RHAG: variants seen among roughly 807,000 people sequenced by gnomAD.
RHAG encodes the protein ammonium transporter Rh type A.
Under a neutral mutation model 42.4 loss-of-function variants are expected in RHAG, and 25 were observed. The observed-to-expected ratio is 0.59, with a 90% confidence interval of 0.43 to 0.82. The LOEUF (loss-of-function observed/expected upper bound fraction) is 0.82. RHAG is among the 40% of genes least tolerant of loss of function. The pLI is 0.00. For missense variants in RHAG, 483 were observed against 504.6 expected (o/e 0.96, Z 0.41); for synonymous variants, 182 against 177.7 (o/e 1.02, Z -0.19).
At chr6:49,620,181 C>G (rs948350128) in intron 1 of RHAG, among the ~76,000 whole-genome samples, 2 of 152,112 alleles carry the variant, frequency 1.3e-5, no homozygotes, top group Non-Finnish European at 2.9e-5. Flanking sequence ...CTGTGTGACC[C>G]TGGGCAAGTC....
Position 49,614,773 on chromosome 6 carries a change from C to A in RHAG, c.721G>T (p.Val241Leu). 2 of 1,614,132 alleles carry A rather than the reference C, an allele frequency of 1.2e-6. No homozygotes were observed. The highest frequency in any genetic ancestry group is 1.7e-6 in the Non-Finnish European group (2 of 1,180,026). Residue 241 changes from valine to leucine, a missense_variant, in exon 5 of 10, where the codon GTA becomes TTA. Coordinates refer to ENST00000371175, the MANE Select transcript of RHAG (RefSeq NM_000324.3). ...EPGDKQCRAIVNTYFSLAACV... is the reference protein window; with the variant it reads ...EPGDKQCRAILNTYFSLAACV... ...GCAGCGAGAGAGAAGTACGTGTTTA[C>A]AATGGCCCTGCACTGTTTGTCTCCA...
At chr6:49,623,668 G>A (rs1324836074) in intron 1 of RHAG, among the ~76,000 whole-genome samples, 2 of 152,304 alleles carry the variant, frequency 1.3e-5, no homozygotes, top group South Asian at 4.1e-4. Context: ...TGCCGCTGAT[G>A]TCCTGAGGGT....
Position 49,611,130 on chromosome 6 carries a change from T to C in RHAG, c.961A>G (p.Lys321Glu). Reference protein sequence around the residue: ...YKFLTPLFTTKLRIHDTCGVH... With the variant: ...YKFLTPLFTTELRIHDTCGVH... ...CCACATGTATCATGGATCCTCAGTT[T>C]AGTAGTAAAAAGTGGCTAAAATTAT... The change falls in exon 7 of 10, where the codon AAA (lysine) becomes GAA (glutamate). Residue 321 changes from lysine to glutamate, a missense_variant. Physicochemically the swap from Lys to Glu is moderately conservative, Grantham distance 56. Coordinates refer to ENST00000371175, the MANE Select transcript of RHAG (RefSeq NM_000324.3). The C allele has an allele frequency of 6.2e-7, 1 of 1,613,412 alleles. No homozygotes were observed. The highest frequency in any genetic ancestry group is 8.5e-7 in the Non-Finnish European group (1 of 1,179,588).
chr6:49,612,339 A>T (rs1762582049), intron 6 of RHAG, 58 bp downstream of exon 6: 1 of 1,565,050 alleles, frequency 6.4e-7, no homozygotes, highest in South Asian at 1.1e-5. Context: ...TGCTGGTGGG[A>T]CATGTGAGAA....
chr6:49,607,979 C>A (rs1282188779), intron 7 of RHAG, among the ~76,000 whole-genome samples: 1 of 151,252 alleles, frequency 6.6e-6, no homozygotes, highest in South Asian at 2.1e-4. Flanking sequence ...TTTTTTTTCT[C>A]CTTATCTGAA....
Position 49,613,069 on chromosome 6 carries a change from AT to A in RHAG, c.808-536del, listed in dbSNP as rs562332720. Among the ~76,000 whole-genome samples the A allele has an allele frequency of 8.9e-3, 1,229 of 137,514 alleles. 8 individuals are homozygous for A. Among genetic ancestry groups the A allele is most frequent in the African/African-American group, 0.013 (481 of 37,260 alleles). The allele number at this position is 137,514 out of a possible 152,430, so 90.2% of individuals were successfully genotyped here. On this transcript the variant is annotated intron_variant, in intron 5 of 9. Transcript: ENST00000371175. ...TTGAGGATGAAGGAAAGAGGAACTG[AT>A]TTTTTTTTTTTTTTTTCGAGATGGA...
intron 1 of RHAG, among the ~76,000 whole-genome samples, chr6:49,634,561 A>G (rs1229171063): frequency 5.3e-5 from 8 of 152,156 alleles, no homozygotes; most frequent in Non-Finnish European, 1.2e-4. Context: ...TACGTAATCA[A>G]CCTAAGTATC....
chr6:49,617,752 T>C (rs904507827), intron 3 of RHAG, among the ~76,000 whole-genome samples: 8 of 152,152 alleles, frequency 5.3e-5, no homozygotes, highest in Non-Finnish European at 1.2e-4. Flanking sequence ...AAAGAAGAGT[T>C]GAGGAATTAG....
At position 49,608,500 on chromosome 6, in the gene RHAG, C is replaced by T. The variant is rs931178715; in HGVS notation, c.1068-1280G>A. Among the ~76,000 whole-genome samples the T allele has an allele frequency of 8.5e-5, 13 of 152,132 alleles. No homozygotes were observed. The South Asian group carries it at 2.3e-3, about 27-fold the overall frequency. On this transcript the variant is annotated intron_variant, in intron 7 of 9. Transcript: ENST00000371175. ...TCAAGCAATTCTCCTGACTCAGCCT[C>T]GCAAGTAGCTGGGATTATAGGCACC...
chr6:49,608,738 C>T (rs1310802714), intron 7 of RHAG, among the ~76,000 whole-genome samples: 1 of 152,020 alleles, frequency 6.6e-6, no homozygotes, highest in East Asian at 1.9e-4. Flanking sequence ...CAATTTTTTA[C>T]TTTAGCCATT....
chr6:49,636,575 G>C, intron 1 of RHAG, 81 bp downstream of exon 1: 2 of 1,377,676 alleles, frequency 1.5e-6, no homozygotes, highest in Non-Finnish European at 2.1e-6. Context: ...GAGCTCAAGG[G>C]TTTATAGTAT....
chr6:49,636,806 A>C lies in RHAG; in HGVS notation c.7T>G (p.Phe3Val). 16 of 1,613,708 alleles carry C rather than the reference A, an allele frequency of 9.9e-6. No individual in the cohort carries two copies. The highest frequency in any genetic ancestry group is 1.4e-5 in the Non-Finnish European group (16 of 1,179,686). Reference sequence around the variant, plus strand: ...ACTATAGCCATGAGAGGGAATGTGAACCTCATGTTTGTGGCAAAGGACAGA... The same window carrying C: ...ACTATAGCCATGAGAGGGAATGTGACCCTCATGTTTGTGGCAAAGGACAGA... Reference protein sequence around the residue: MRFTFPLMAIVLE... With the variant: MRVTFPLMAIVLE... The change falls in exon 1 of 10, where the codon TTC (phenylalanine) becomes GTC (valine). Residue 3 changes from phenylalanine (F) to valine (V), a missense_variant. Phe to Val is a conservative substitution (Grantham distance 50, BLOSUM62 -1). Transcript: ENST00000371175.
intron 7 of RHAG, among the ~76,000 whole-genome samples, chr6:49,607,639 A>C (rs1206470391): frequency 6.6e-6 from 1 of 152,212 alleles, no homozygotes; most frequent in Non-Finnish European, 1.5e-5. Context: ...TATTGTAGAG[A>C]TAGCTCATTG....
At chr6:49,634,612 A>C (rs1762980271) in intron 1 of RHAG, among the ~76,000 whole-genome samples, 2 of 152,076 alleles carry the variant, frequency 1.3e-5, no homozygotes, top group South Asian at 4.2e-4. Context: ...TGGCATATAT[A>C]CACAATGGAA....
At chr6:49,623,591 C>A (rs1043080973) in intron 1 of RHAG, among the ~76,000 whole-genome samples, 1 of 152,126 alleles carries the variant, frequency 6.6e-6, no homozygotes, top group East Asian at 1.9e-4. Context: ...GTAATATTAA[C>A]CCCCAGACTA....
At position 49,618,974 on chromosome 6, in the gene RHAG, C is replaced by T. The variant is rs1199244442; in HGVS notation, c.341+205G>A. ...CTGGTTGGTAGATGGTGCCTTCCAG[C>T]TGTGTTCTCACACAGTGGAAGGGGT... is the stretch of plus-strand genomic sequence containing the variant. On this transcript the variant is annotated intron_variant, in intron 2 of 9. Coordinates refer to ENST00000371175, the MANE Select transcript of RHAG (RefSeq NM_000324.3). Among the ~76,000 whole-genome samples, 3 of 152,272 alleles carry T rather than the reference C, an allele frequency of 2.0e-5. No individual in the cohort carries two copies. In the East Asian group the frequency reaches 5.8e-4, roughly 29 times the overall value.
At chr6:49,633,498 T>C (rs1221802340) in intron 1 of RHAG, among the ~76,000 whole-genome samples, 1 of 152,170 alleles carries the variant, frequency 6.6e-6, no homozygotes, top group Non-Finnish European at 1.5e-5. Context: ...TCTCAGTCTA[T>C]TCTACAAACA....
intron 1 of RHAG, among the ~76,000 whole-genome samples, chr6:49,621,023 G>T (rs1050805282): frequency 6.6e-6 from 1 of 152,174 alleles, no homozygotes; most frequent in African/African-American, 2.4e-5. Flanking sequence ...ATTGAGCACT[G>T]TAGGGGTATA....
intron 4 of RHAG, 108 bp downstream of exon 4, chr6:49,615,516 A>G: frequency 7.8e-7 from 1 of 1,285,882 alleles, no homozygotes; most frequent in Non-Finnish European, 1.1e-6. Flanking sequence ...GTTCACTACC[A>G]TGCCTGGCTT....
Sources: allele counts gnomAD v4.1 joint callset (sites outside exome capture counted in the v4.1 genomes callset), GRCh38; gene constraint gnomAD v4.1.1; transcripts MANE v1.5; gene names NCBI Gene and HGNC (gene_info 2026-07-23, HGNC 2026-07-21).